ATXN10: variants seen among roughly 807,000 people sequenced by gnomAD.
The protein encoded by ATXN10 is ataxin 10.
ATXN10 carries 28 observed loss-of-function variants against 52.9 expected under a neutral mutation model. The ratio of observed to expected loss-of-function variants is 0.53; its 90% CI spans 0.39 to 0.73. ATXN10 has a LOEUF of 0.73. ATXN10 is among the 30% of genes least tolerant of loss of function. The pLI is 0.00. For synonymous variants in ATXN10, 226 were observed against 221.5 expected (o/e 1.02, Z -0.18); for missense variants, 565 against 577.0 (o/e 0.98, Z 0.21).
rs1215179002 is a variant in ATXN10, at chr22:45,705,840, C to T, written c.647+2993C>T. 6.6e-6 allele frequency among the ~76,000 whole-genome samples: 1 copy of T among 152,162 alleles called. No homozygotes were observed. Among genetic ancestry groups the T allele is most frequent in the Admixed American group, 6.5e-5 (1 of 15,282 alleles). On this transcript the variant is annotated intron_variant, in intron 5 of 11. Transcript: ENST00000252934. The surrounding 1 kb of genome is among the most constrained non-coding windows in gnomAD (Gnocchi z 5.2). Reference sequence around the variant, plus strand: ...TTGGTCTAGGCCGGGGGTCCTCCAGCCCCCGACCTGTGGACTGGTACCTGT... The same window carrying T: ...TTGGTCTAGGCCGGGGGTCCTCCAGTCCCCGACCTGTGGACTGGTACCTGT...
intron 9 of ATXN10, among the ~76,000 whole-genome samples, chr22:45,746,964 C>T (rs561292635): frequency 6.6e-6 from 1 of 152,242 alleles, no homozygotes; most frequent in African/African-American, 2.4e-5. Flanking sequence ...ACATATGAAA[C>T]ACTTTATTTG....
chr22:45,751,272 C>A (rs1268231526), intron 9 of ATXN10, among the ~76,000 whole-genome samples: 1 of 152,170 alleles, frequency 6.6e-6, no homozygotes, highest in Non-Finnish European at 1.5e-5. Flanking sequence ...CTTAACCCTT[C>A]TTTGGCCAAG....
At chr22:45,711,737 A>T (rs988720119) in intron 5 of ATXN10, among the ~76,000 whole-genome samples, 2 of 152,234 alleles carry the variant, frequency 1.3e-5, no homozygotes, top group East Asian at 1.9e-4. Context: ...GCACCTGTGT[A>T]TATAACAGAC....
At position 45,783,175 on chromosome 22, in the gene ATXN10, G is replaced by C. The variant is rs760439045; in HGVS notation, c.1174-23784G>C. 2.0e-5 allele frequency among the ~76,000 whole-genome samples: 3 copies of C among 152,146 alleles called. No individual in the cohort carries two copies. The highest frequency in any genetic ancestry group is 2.9e-5 in the Non-Finnish European group (2 of 68,030). ...GAGGTCATTGTTAAGTAAGATAAGGGTTCCATGAACACGAGCACTGTGATA... is the reference window on the plus strand; with the variant it reads ...GAGGTCATTGTTAAGTAAGATAAGGCTTCCATGAACACGAGCACTGTGATA... On this transcript the variant is annotated intron_variant, in intron 9 of 11. Transcript: ENST00000252934. This position sits in a 1 kb window ranked among gnomAD's most constrained non-coding sequence, Gnocchi z 5.0.
At chr22:45,758,025 G>A (rs1265255020) in intron 9 of ATXN10, among the ~76,000 whole-genome samples, 4 of 152,220 alleles carry the variant, frequency 2.6e-5, no homozygotes, top group Non-Finnish European at 5.9e-5. Flanking sequence ...AAAGTATATG[G>A]CAGAGACGGA....
At position 45,702,845 on chromosome 22, in the gene ATXN10, G is replaced by T. The variant is rs1410527995; in HGVS notation, c.645G>T (p.Trp215Cys). ...ACCAAAAACATCCTGAATCAGAATGGCCGTAAGTATCTTGTTAGAAATTTG... is the reference window on the plus strand; with the variant it reads ...ACCAAAAACATCCTGAATCAGAATGTCCGTAAGTATCTTGTTAGAAATTTG... ...DAYQKHPESEWPFLIITDLFL... is the reference protein window; with the variant it reads ...DAYQKHPESECPFLIITDLFL... The change falls in exon 5 of 12, where the codon TGG becomes TGT. Residue 215 changes from tryptophan to cysteine, a missense_variant and splice_region_variant. Trp to Cys is a radical substitution (Grantham distance 215). Transcript: ENST00000252934. 1 of 1,613,700 alleles carries T rather than the reference G, an allele frequency of 6.2e-7. No homozygotes were observed. The highest frequency in any genetic ancestry group is 8.5e-7 in the Non-Finnish European group (1 of 1,179,940).
At chr22:45,723,648 G>C (rs1348608430) in intron 6 of ATXN10, among the ~76,000 whole-genome samples, 2 of 152,066 alleles carry the variant, frequency 1.3e-5, no homozygotes, top group Non-Finnish European at 2.9e-5. Context: ...CCATTTCTGA[G>C]TTCTTCACTT....
chr22:45,764,786 C>T (rs532993874), intron 9 of ATXN10, among the ~76,000 whole-genome samples: 6 of 152,284 alleles, frequency 3.9e-5, no homozygotes, highest in South Asian at 2.1e-4. Context: ...AATTCACAGG[C>T]GCTTCTGCTC....
At position 45,787,585 on chromosome 22, in the gene ATXN10, G is replaced by A. The variant is rs769632039; in HGVS notation, c.1174-19374G>A. On this transcript the variant is annotated intron_variant, in intron 9 of 11. Coordinates refer to ENST00000252934, the MANE Select transcript of ATXN10 (RefSeq NM_013236.4). This position sits in a 1 kb window ranked among gnomAD's most constrained non-coding sequence, Gnocchi z 4.2. ...GCTGTCCAGTCGTCTTGAGTTGAACGTTCTCATCAATACTTTGGTGGCTCT... is the reference window on the plus strand; with the variant it reads ...GCTGTCCAGTCGTCTTGAGTTGAACATTCTCATCAATACTTTGGTGGCTCT... Among the ~76,000 whole-genome samples the A allele has an allele frequency of 6.6e-6, 1 of 152,274 alleles. No individual in the cohort carries two copies. Among genetic ancestry groups the A allele is most frequent in the East Asian group, 1.9e-4 (1 of 5,188 alleles).
intron 1 of ATXN10, 54 bp downstream of exon 1, chr22:45,672,233 C>T (rs1256261282): frequency 2.1e-6 from 3 of 1,433,654 alleles, no homozygotes; most frequent in African/African-American, 1.5e-5. Context: ...GCCGGGACTC[C>T]CGCGGCGGCC....
chr22:45,720,849 A>G (rs1329718809), intron 6 of ATXN10, among the ~76,000 whole-genome samples: 1 of 152,196 alleles, frequency 6.6e-6, no homozygotes, highest in African/African-American at 2.4e-5. Flanking sequence ...TATTTCTAAC[A>G]GTCTGAGGCT....
intron 7 of ATXN10, among the ~76,000 whole-genome samples, chr22:45,734,214 T>C (rs558564006): frequency 3.9e-5 from 6 of 152,232 alleles, no homozygotes; most frequent in African/African-American, 7.2e-5. Flanking sequence ...TTAAAAACTT[T>C]AGAGAGATTT....
intron 6 of ATXN10, among the ~76,000 whole-genome samples, chr22:45,723,179 GTAGA>G (rs1227097273): frequency 3.3e-5 from 5 of 151,882 alleles, no homozygotes; most frequent in East Asian, 1.9e-4. Context: ...ATATATATAT[GTAGA>G]TAGATCCACT....
rs1449213051 is a variant in ATXN10, at chr22:45,772,004, G to GTATT, written c.1173+31468_1173+31471dup. On this transcript the variant is annotated intron_variant, in intron 9 of 11. Coordinates refer to ENST00000252934, the MANE Select transcript of ATXN10 (RefSeq NM_013236.4). This position sits in a 1 kb window ranked among gnomAD's most constrained non-coding sequence, Gnocchi z 4.1. ...TTCTTTGTCAGAGATGTGATCCACA[G>GTATT]TATTTTCTTTAGTCAGTAGCCCACA... 6.6e-6 allele frequency among the ~76,000 whole-genome samples: 1 copy of GTATT among 152,188 alleles called. No individual in the cohort carries two copies. The highest frequency in any genetic ancestry group is 1.5e-5 in the Non-Finnish European group (1 of 68,034).
Position 45,823,372 on chromosome 22 carries a change from T to G in ATXN10, c.1237+16350T>G. 3.2e-6 allele frequency: 1 copy of G among 316,944 alleles called. No homozygotes were observed. Among genetic ancestry groups the G allele is most frequent in the South Asian group, 2.6e-5 (1 of 38,350 alleles). 19.6% of individuals were successfully genotyped at this position (316,944 alleles called of 1,614,324 possible). On this transcript the variant is annotated intron_variant, in intron 10 of 11. Transcript: ENST00000252934. The surrounding 1 kb of genome is among the most constrained non-coding windows in gnomAD (Gnocchi z 4.9). ...AAAGGCTTTACAGTTTTGCCTTCTA[T>G]CTGGATTTGTAATCTATCAGAATTG...
chr22:45,801,581 A>G (rs1927932745), intron 9 of ATXN10, among the ~76,000 whole-genome samples: 1 of 152,236 alleles, frequency 6.6e-6, no homozygotes, highest in African/African-American at 2.4e-5. Flanking sequence ...AAGAGTATGG[A>G]TGGAAATTAC....
chr22:45,777,510 G>T (rs577948444), intron 9 of ATXN10, among the ~76,000 whole-genome samples: 3 of 152,320 alleles, frequency 2.0e-5, no homozygotes, highest in African/African-American at 7.2e-5. Flanking sequence ...TGTCCTGTCT[G>T]ATGATTAATG....
rs1929144568 is a variant in ATXN10, at chr22:45,835,697, T to A, written c.1238-7294T>A. Among the ~76,000 whole-genome samples the A allele has an allele frequency of 6.6e-6, 1 of 152,096 alleles. No individual in the cohort carries two copies. Among genetic ancestry groups the A allele is most frequent in the Non-Finnish European group, 1.5e-5 (1 of 68,012 alleles). ...GCAGCCTCAGCTTTCAGTGCAGGGG[T>A]GTTGCTGAGATGGCTTTTTCCCTCC... On this transcript the variant is annotated intron_variant, in intron 10 of 11. Coordinates refer to ENST00000252934, the MANE Select transcript of ATXN10 (RefSeq NM_013236.4). The surrounding 1 kb of genome is among the most constrained non-coding windows in gnomAD (Gnocchi z 5.0).
At chr22:45,692,024 T>G (rs1923402346) in intron 2 of ATXN10, among the ~76,000 whole-genome samples, 1 of 152,236 alleles carries the variant, frequency 6.6e-6, no homozygotes, top group Non-Finnish European at 1.5e-5. Flanking sequence ...TCTGTAAAAC[T>G]AGGTAAGCAA....
Sources: gnomAD v4.1 joint callset for allele counts (sites outside exome capture counted in the v4.1 genomes callset) on GRCh38, gnomAD v4.1.1 for gene constraint, Gnocchi (gnomAD v3.1) non-coding constraint, MANE v1.5 for transcripts, NCBI Gene and HGNC (gene_info 2026-07-23, HGNC 2026-07-21) for gene names.